The following TMPPE variants were observed in gnomAD, a reference collection of about 807,000 sequenced individuals.
TMPPE encodes transmembrane protein with metallophosphoesterase domain.
In TMPPE, 16 loss-of-function variants were observed where a neutral mutation model predicts 22.6. The ratio of observed to expected loss-of-function variants is 0.71; its 90% CI spans 0.48 to 1.08. The LOEUF (loss-of-function observed/expected upper bound fraction) is 1.08, where lower values mean the gene tolerates loss of function less well. Ranked by LOEUF, TMPPE falls within the 50% of genes least tolerant of loss-of-function variation. The pLI is 0.00. For synonymous variants in TMPPE, 240 were observed against 245.3 expected (o/e 0.98, Z 0.20); for missense variants, 526 against 584.3 (o/e 0.90, Z 1.03).
intron 1 of TMPPE, 161 bp downstream of exon 1, chr3:33,096,558 G>C (rs1169081511): frequency 2.0e-6 from 2 of 984,024 alleles, no homozygotes; most frequent in Non-Finnish European, 2.4e-6. Context: ...TGTTCCCACT[G>C]CAAGGGCCTC....
rs1380240764 is a variant in TMPPE, at chr3:33,092,875, T to G, written c.1321A>C (p.Arg441=). Residue 441 remains arginine (R), a synonymous_variant, in exon 2 of 2, where the codon AGG becomes CGG. Transcript: ENST00000342462. ...AGGATGAGCTCTGTGATCTCGGCCC[T>G]GCTACCCAGCCTCATGGGTATCCCG... ...YYGIPMRLGS[R]AEITELILQR... 6.2e-7 allele frequency: 1 copy of G among 1,613,024 alleles called. No individual in the cohort carries two copies. The highest frequency in any genetic ancestry group is 1.1e-5 in the South Asian group (1 of 90,942).
chr3:33,093,418 C>A lies in TMPPE; in HGVS notation c.778G>T (p.Ala260Ser). ...SEASVLRTAV[A>S]PLGQLHSHLG... ...TGTGAATGAAGCTGGCCCAGAGGAG[C>A]GACAGCCGTCCGCAGGACCGAGGCT... Residue 260 changes from alanine to serine, a missense_variant, in exon 2 of 2, where the codon GCT becomes TCT. Transcript: ENST00000342462. This position sits in a 1 kb window ranked among gnomAD's most constrained non-coding sequence, Gnocchi z 6.0. 6.2e-7 allele frequency: 1 copy of A among 1,614,114 alleles called. No individual in the cohort carries two copies. Among genetic ancestry groups the A allele is most frequent in the Non-Finnish European group, 8.5e-7 (1 of 1,180,016 alleles).
chr3:33,091,369 T>C lies in TMPPE; in HGVS notation c.*1465A>G, dbSNP rs955225518. The C allele has an allele frequency of 1.0e-6, 1 of 985,328 alleles. No individual in the cohort carries two copies. The highest frequency in any genetic ancestry group is 1.7e-5 in the African/African-American group (1 of 57,226). The allele number at this position is 985,328 out of a possible 1,614,324, so 61.0% of individuals were successfully genotyped here. On this transcript the variant is annotated 3_prime_UTR_variant, in exon 2 of 2. Transcript: ENST00000342462. The stretch of plus-strand genomic sequence containing the variant: ...AAGAAACCCCCTTTGCCTGCCAGAA[T>C]GCACATGAGGGAAGGAAGGCAAACC...
At chr3:33,094,413 T>C in intron 1 of TMPPE, 110 bp from the exon 2 acceptor site, 1 of 1,261,390 alleles carries the variant, frequency 7.9e-7, no homozygotes, top group South Asian at 2.8e-5. Context: ...TCCAAGCTAC[T>C]CAAATACCAG....
intron 1 of TMPPE, 52 bp downstream of exon 1, chr3:33,096,667 G>GC: frequency 8.9e-7 from 1 of 1,128,984 alleles, no homozygotes; most frequent in Non-Finnish European, 1.1e-6. Context: ...TCTAACCCGC[G>GC]CAACTTGGAA....
rs1287185198 is a variant in TMPPE, at chr3:33,092,982, T to C, written c.1214A>G (p.Tyr405Cys). The change falls in exon 2 of 2, where the codon TAT becomes TGT. Residue 405 changes from tyrosine to cysteine, a missense_variant. Coordinates refer to ENST00000342462, the MANE Select transcript of TMPPE (RefSeq NM_001039770.3). ...ACCAGCAAAGAAGGGATTCAGGAGA[T>C]AGGCTGCTACGTTCAAGGGGAAGAT... ...GQIFPLNVAA[Y>C]LLNPFFAGLY... is the part of the protein sequence containing the mutation. 2.5e-6 allele frequency: 4 copies of C among 1,614,156 alleles called. No homozygotes were observed. The highest frequency in any genetic ancestry group is 3.4e-6 in the Non-Finnish European group (4 of 1,180,018).
rs757704052 is a variant in TMPPE, at chr3:33,092,836, A to T, written c.1360T>A (p.Ter454ArgextTer75). The change falls in exon 2 of 2, where the codon TGA (stop) becomes AGA (arginine). Residue 454 changes from the stop codon to arginine (R), a stop_lost. Transcript: ENST00000342462. ...GAGGTGCACAGGGCAGGGCCAGTTC[A>T]GGGAGACCGCTGCAGGATGAGCTCT... The part of the protein sequence containing the change: ...ITELILQRSP[*>R] 1.9e-6 allele frequency: 3 copies of T among 1,597,290 alleles called. No homozygotes were observed. The highest frequency in any genetic ancestry group is 1.7e-5 in the Admixed American group (1 of 59,256).
rs374536954 is a variant in TMPPE at position 33,096,872 on chromosome 3, G to T, written c.-262C>A. Reference sequence around the variant, plus strand: ...GCCGGTCCACTGCCTGCGTTCCGCCGGCCGCGAGCCTGCTGGGGGGCACTT... The same window carrying T: ...GCCGGTCCACTGCCTGCGTTCCGCCTGCCGCGAGCCTGCTGGGGGGCACTT... On this transcript the variant is annotated 5_prime_UTR_variant, in exon 1 of 2. Transcript: ENST00000342462. The T allele has an allele frequency of 1.2e-4, 166 of 1,427,524 alleles. No homozygotes were observed. Among genetic ancestry groups the T allele is most frequent in the Non-Finnish European group, 1.4e-4 (151 of 1,090,058 alleles). The allele number at this position is 1,427,524 out of a possible 1,614,324, so 88.4% of individuals were successfully genotyped here.
chr3:33,095,722 A>C (rs1700996772), intron 1 of TMPPE, among the ~76,000 whole-genome samples: 1 of 151,282 alleles, frequency 6.6e-6, no homozygotes, highest in African/African-American at 2.4e-5. Flanking sequence ...CCCTACCCCC[A>C]CTCCCAGATA....
In TMPPE at chr3:33,093,730, GGCTGCCCAC is replaced by G; in HGVS notation, c.457_465del (p.Val153_Ser155del). ...AGCACGAGCTTCCTTGTCTTCTCAAGGCTGCCCACGACCCTACCACTGCGCCAGGCCAAG... is the reference window on the plus strand; with the variant it reads ...AGCACGAGCTTCCTTGTCTTCTCAAGGACCCTACCACTGCGCCAGGCCAAG... On this transcript the variant is annotated inframe_deletion, in exon 2 of 2. Transcript: ENST00000342462. The surrounding 1 kb of genome is among the most constrained non-coding windows in gnomAD (Gnocchi z 6.0). The G allele has an allele frequency of 6.2e-7, 1 of 1,613,988 alleles. No homozygotes were observed. Among genetic ancestry groups the G allele is most frequent in the Non-Finnish European group, 8.5e-7 (1 of 1,179,928 alleles).
rs532024317 is a variant in TMPPE at position 33,092,152 on chromosome 3, G to A, written c.*682C>T. 7.1e-6 allele frequency: 7 copies of A among 985,464 alleles called. No individual in the cohort carries two copies. The highest frequency in any genetic ancestry group is 3.5e-5 in the African/African-American group (2 of 57,216). 61.0% of individuals were successfully genotyped at this position (985,464 alleles called of 1,614,324 possible). On this transcript the variant is annotated 3_prime_UTR_variant, in exon 2 of 2. Coordinates refer to ENST00000342462, the MANE Select transcript of TMPPE (RefSeq NM_001039770.3). ...ACCATCACCGACCATGGCGCCCACC[G>A]TTCTTCTCCCCTGACCTTGCCCCCA...
At position 33,092,813 on chromosome 3, in the gene TMPPE, G is replaced by T; in HGVS notation, c.*21C>A. ...GGGTCGAGGACAAGGGCAGGGCAGAGGTGCACAGGGCAGGGCCAGTTCAGG... is the reference window on the plus strand; with the variant it reads ...GGGTCGAGGACAAGGGCAGGGCAGATGTGCACAGGGCAGGGCCAGTTCAGG... On this transcript the variant is annotated 3_prime_UTR_variant, in exon 2 of 2. Coordinates refer to ENST00000342462, the MANE Select transcript of TMPPE (RefSeq NM_001039770.3). 6.4e-7 allele frequency: 1 copy of T among 1,570,494 alleles called. No homozygotes were observed. Among genetic ancestry groups the T allele is most frequent in the East Asian group, 2.3e-5 (1 of 44,432 alleles).
In TMPPE at chr3:33,094,285, G is replaced by A; in HGVS notation, c.-90C>T. ...TAGAAAGGACAGTGGCCAAGGAGAGGTTTCCAGGTCAACTCCGCCTGCAAC... is the reference window on the plus strand; with the variant it reads ...TAGAAAGGACAGTGGCCAAGGAGAGATTTCCAGGTCAACTCCGCCTGCAAC... On this transcript the variant is annotated 5_prime_UTR_variant, in exon 2 of 2. Coordinates refer to ENST00000342462, the MANE Select transcript of TMPPE (RefSeq NM_001039770.3). The A allele has an allele frequency of 1.7e-5, 26 of 1,512,440 alleles. No individual in the cohort carries two copies. Among genetic ancestry groups the A allele is most frequent in the Non-Finnish European group, 2.3e-5 (26 of 1,132,598 alleles). The allele number at this position is 1,512,440 out of a possible 1,614,324, so 93.7% of individuals were successfully genotyped here.
At position 33,096,986 on chromosome 3, in the gene TMPPE, C is replaced by G; in HGVS notation, c.-376G>C. 6.2e-7 allele frequency: 1 copy of G among 1,609,726 alleles called. No individual in the cohort carries two copies. Among genetic ancestry groups the G allele is most frequent in the South Asian group, 1.1e-5 (1 of 90,468 alleles). ...CAGCCTGTCCCCTAGCAATGCCTCC[C>G]CGTACCCGGGTCCCGCAGACTTACG... On this transcript the variant is annotated 5_prime_UTR_variant, in exon 1 of 2. Coordinates refer to ENST00000342462, the MANE Select transcript of TMPPE (RefSeq NM_001039770.3).
Position 33,096,744 on chromosome 3 carries a change from G to T in TMPPE, c.-134C>A. The T allele has an allele frequency of 3.1e-6, 4 of 1,303,588 alleles. No individual in the cohort carries two copies. The highest frequency in any genetic ancestry group is 3.9e-6 in the Non-Finnish European group (4 of 1,029,062). 80.8% of individuals were successfully genotyped at this position (1,303,588 alleles called of 1,614,324 possible). A position where few individuals can be genotyped will look rare whatever the true frequency, so the allele number is the denominator to read the frequency against. On this transcript the variant is annotated 5_prime_UTR_variant, in exon 1 of 2. Coordinates refer to ENST00000342462, the MANE Select transcript of TMPPE (RefSeq NM_001039770.3). ...CTCGTCTCAACACCTCGTTACAGAT[G>T]GGGAAGTGGATCCAAGCGCAAAGGG...
chr3:33,096,734 C>G lies in TMPPE; in HGVS notation c.-124G>C. On this transcript the variant is annotated 5_prime_UTR_variant, in exon 1 of 2. Transcript: ENST00000342462. ...TTACACGCACCTCGTCTCAACACCT[C>G]GTTACAGATGGGGAAGTGGATCCAA... 7.8e-7 allele frequency: 1 copy of G among 1,288,678 alleles called. No homozygotes were observed. Among genetic ancestry groups the G allele is most frequent in the Non-Finnish European group, 9.8e-7 (1 of 1,019,890 alleles). 79.8% of individuals were successfully genotyped at this position (1,288,678 alleles called of 1,614,324 possible).
intron 1 of TMPPE, among the ~76,000 whole-genome samples, chr3:33,095,029 G>GTAGAGACA (rs1700951586): frequency 6.6e-6 from 1 of 152,040 alleles, no homozygotes; most frequent in African/African-American, 2.4e-5. Flanking sequence ...TGGCCAACAT[G>GTAGAGACA]GTAAAACCCT....
rs765469083 is a variant in TMPPE at position 33,093,035 on chromosome 3, G to A, written c.1161C>T (p.Ile387=). 2.4e-5 allele frequency: 38 copies of A among 1,614,122 alleles called. No homozygotes were observed. The highest frequency in any genetic ancestry group is 2.6e-5 in the Non-Finnish European group (31 of 1,180,052). ...ALQARPDINL[I]LSGHTHAGQI... The stretch of plus-strand genomic sequence containing the variant: ...GCCCAGCATGTGTGTGCCCAGAAAG[G>A]ATCAGGTTAATATCTGGCCGAGCCT... The change falls in exon 2 of 2, where the codon ATC becomes ATT. Residue 387 remains isoleucine (I), a synonymous_variant. Coordinates refer to ENST00000342462, the MANE Select transcript of TMPPE (RefSeq NM_001039770.3). This position sits in a 1 kb window ranked among gnomAD's most constrained non-coding sequence, Gnocchi z 6.0.
Position 33,092,681 on chromosome 3 carries a change from C to A in TMPPE, c.*153G>T, listed in dbSNP as rs972766289. ...AGCCTGAACATGCCAGGCAGGCCCA[C>A]CATAAGTCACTGTTTGAGTCAGGCT... On this transcript the variant is annotated 3_prime_UTR_variant, in exon 2 of 2. Transcript: ENST00000342462. 2 of 1,421,110 alleles carry A rather than the reference C, an allele frequency of 1.4e-6. No homozygotes were observed. The highest frequency in any genetic ancestry group is 9.2e-7 in the Non-Finnish European group (1 of 1,089,440). The allele number at this position is 1,421,110 out of a possible 1,614,324, so 88.0% of individuals were successfully genotyped here. A position where few individuals can be genotyped will look rare whatever the true frequency, so the allele number is the denominator to read the frequency against.
Sources: gnomAD v4.1 joint callset for allele counts (sites outside exome capture counted in the v4.1 genomes callset) on GRCh38, gnomAD v4.1.1 for gene constraint, Gnocchi (gnomAD v3.1) non-coding constraint, MANE v1.5 for transcripts, NCBI Gene and HGNC (gene_info 2026-07-23, HGNC 2026-07-21) for gene names.